SPSB4: variants seen among roughly 807,000 people sequenced by gnomAD.
SPSB4 encodes the protein SPRY domain-containing SOCS box protein 4.
A neutral mutation model predicts 20.9 loss-of-function variants in SPSB4; 21 were observed. The observed-to-expected ratio is 1.01, with a 90% CI of 0.71 to 1.45. The LOEUF (loss-of-function observed/expected upper bound fraction) is 1.45. SPSB4 is among the 40% of genes most tolerant of loss of function. SPSB4 has a pLI of 0.00. For synonymous variants in SPSB4, 207 were observed against 183.8 expected, an observed-to-expected ratio of 1.13 and a Z score of -1.02; for missense variants, 399 against 399.2, an observed-to-expected ratio of 1.00 and a Z score of 0.00.
intron 1 of SPSB4, among the ~76,000 whole-genome samples, chr3:141,058,733 C>T (rs7645127): frequency 0.024 from 3,663 of 152,082 alleles, 138 homozygotes; most frequent in African/African-American, 0.083. Context: ...ATTTTTTGAA[C>T]GAATAAATGA....
intron 2 of SPSB4, among the ~76,000 whole-genome samples, chr3:141,114,336 C>T (rs967617536): frequency 4.6e-5 from 7 of 152,310 alleles, no homozygotes; most frequent in Admixed American, 2.0e-4. Flanking sequence ...TCATTTCCAG[C>T]TCCCCTGCAG....
At chr3:141,063,888 C>T (rs189428623) in intron 1 of SPSB4, among the ~76,000 whole-genome samples, 3 of 152,362 alleles carry the variant, frequency 2.0e-5, no homozygotes, top group Non-Finnish European at 4.4e-5. Context: ...TTCCTTTAGT[C>T]TTTGCTTCTA....
At chr3:141,133,712 G>T (rs915989552) in intron 2 of SPSB4, among the ~76,000 whole-genome samples, 2 of 152,094 alleles carry the variant, frequency 1.3e-5, no homozygotes, top group Non-Finnish European at 2.9e-5. Context: ...ATAAAGTTGG[G>T]TAATATGATG....
At chr3:141,074,464 G>T (rs761731341) in intron 2 of SPSB4, among the ~76,000 whole-genome samples, 1 of 152,126 alleles carries the variant, frequency 6.6e-6, no homozygotes, top group African/African-American at 2.4e-5. Context: ...GAAACTGAAG[G>T]ATTTCACACG....
chr3:141,069,671 C>T (rs921464180), intron 2 of SPSB4, among the ~76,000 whole-genome samples: 3 of 152,118 alleles, frequency 2.0e-5, no homozygotes, highest in African/African-American at 2.4e-5. Flanking sequence ...TGGCTGTTGG[C>T]GATTGCCTCC....
intron 2 of SPSB4, among the ~76,000 whole-genome samples, chr3:141,072,352 A>C (rs7630981): frequency 1 from 152,259 of 152,334 alleles, 76,092 homozygotes; most frequent in Middle Eastern, 1. Context: ...TTTGTTTCCT[A>C]CAAATCTCGT....
At chr3:141,082,618 G>T (rs1938255828) in intron 2 of SPSB4, among the ~76,000 whole-genome samples, 1 of 146,296 alleles carries the variant, frequency 6.8e-6, no homozygotes, top group East Asian at 2.3e-4. Context: ...CAACCCAGGT[G>T]CTATCTATCT....
intron 2 of SPSB4, among the ~76,000 whole-genome samples, chr3:141,126,927 C>T (rs997262527): frequency 2.6e-5 from 4 of 152,356 alleles, no homozygotes; most frequent in East Asian, 3.9e-4. Context: ...CCAATACAGC[C>T]CCCCATGCCC....
chr3:141,090,887 C>A (rs4683554), intron 2 of SPSB4, among the ~76,000 whole-genome samples: 71,359 of 151,944 alleles, frequency 0.47, 17,723 homozygotes, highest in African/African-American at 0.64. Context: ...GGTGGCTTGG[C>A]TCGGGATGGC....
rs771003195 is a variant in SPSB4 at position 141,066,500 on chromosome 3, G to T, written c.396G>T (p.Leu132=). The change falls in exon 2 of 3, where the codon CTG becomes CTT. Residue 132 remains leucine (L), a synonymous_variant. Coordinates refer to ENST00000310546, the MANE Select transcript of SPSB4 (RefSeq NM_080862.3). Reference sequence around the variant, plus strand: ...TGCACTCCGTGGGCTACACGGCGCTGGTAGGCAGTGACGCCGAGTCGTGGG... The same window carrying T: ...TGCACTCCGTGGGCTACACGGCGCTTGTAGGCAGTGACGCCGAGTCGTGGG... ...APLHSVGYTA[L]VGSDAESWGW... The T allele has an allele frequency of 1.9e-5, 28 of 1,503,200 alleles. No homozygotes were observed. Among genetic ancestry groups the T allele is most frequent in the Non-Finnish European group, 2.5e-5 (28 of 1,125,322 alleles). 93.1% of individuals were successfully genotyped at this position (1,503,200 alleles called of 1,614,324 possible). A position where few individuals can be genotyped will look rare whatever the true frequency, so the allele number is the denominator to read the frequency against.
chr3:141,054,587 A>C (rs2107773314), intron 1 of SPSB4, among the ~76,000 whole-genome samples: 1 of 152,312 alleles, frequency 6.6e-6, no homozygotes, highest in Non-Finnish European at 1.5e-5. Flanking sequence ...GTTATCATGA[A>C]CTTTGTGTGG....
At chr3:141,147,064 C>A in intron 2 of SPSB4, 78 bp from the exon 3 acceptor site, 1 of 1,579,732 alleles carries the variant, frequency 6.3e-7, no homozygotes, top group Non-Finnish European at 8.6e-7. Flanking sequence ...AGGCAGGAGG[C>A]GGTATGCAGT....
At chr3:141,111,016 ACTTCTGGCT>A (rs1290638784) in intron 2 of SPSB4, among the ~76,000 whole-genome samples, 2 of 152,194 alleles carry the variant, frequency 1.3e-5, no homozygotes, top group African/African-American at 2.4e-5. Context: ...CTAACGTCAT[ACTTCTGGCT>A]TGAACTCTAT....
At chr3:141,138,836 A>G (rs937971079) in intron 2 of SPSB4, among the ~76,000 whole-genome samples, 18 of 152,310 alleles carry the variant, frequency 1.2e-4, no homozygotes, top group Admixed American at 8.5e-4. Context: ...AGAGTTCTGT[A>G]GATGTCTATT....
At position 141,071,058 on chromosome 3, in the gene SPSB4, A is replaced by G. The variant is rs553988972; in HGVS notation, c.694+4260A>G. 2.0e-5 allele frequency among the ~76,000 whole-genome samples: 3 copies of G among 152,146 alleles called. No homozygotes were observed. In the South Asian group the frequency reaches 6.2e-4, roughly 32 times the overall value. ...CTCAAAGCTCTTGGCTCAGCATGGA[A>G]CTCTGCAGGGTGTTCTGAAATGCTA... On this transcript the variant is annotated intron_variant, in intron 2 of 2. Coordinates refer to ENST00000310546, the MANE Select transcript of SPSB4 (RefSeq NM_080862.3).
At chr3:141,081,939 G>A (rs1012812521) in intron 2 of SPSB4, among the ~76,000 whole-genome samples, 2 of 152,134 alleles carry the variant, frequency 1.3e-5, no homozygotes, top group African/African-American at 4.8e-5. Flanking sequence ...GTTCTGGGGT[G>A]TCCATCCTGT....
Position 141,054,939 on chromosome 3 carries a change from T to G in SPSB4, c.-154+2947T>G, listed in dbSNP as rs112480961. Among the ~76,000 whole-genome samples, 119 of 148,068 alleles carry G rather than the reference T, an allele frequency of 8.0e-4. 1 individual carries two copies. The highest frequency in any genetic ancestry group is 3.5e-3 in the Middle Eastern group (1 of 284). ...GAGATGGCACCACTGCACTCCAGCC[T>G]GGGCAACAGAGCGAGACTCCGTCTC... On this transcript the variant is annotated intron_variant, in intron 1 of 2. Coordinates refer to ENST00000310546, the MANE Select transcript of SPSB4 (RefSeq NM_080862.3).
intron 2 of SPSB4, among the ~76,000 whole-genome samples, chr3:141,078,731 G>A (rs1480153944): frequency 1.3e-5 from 2 of 152,184 alleles, no homozygotes; most frequent in South Asian, 2.1e-4. Flanking sequence ...TGGGTTAAGC[G>A]CCAAGCACTC....
At chr3:141,058,358 C>T (rs1937697675) in intron 1 of SPSB4, among the ~76,000 whole-genome samples, 2 of 152,202 alleles carry the variant, frequency 1.3e-5, no homozygotes, top group South Asian at 4.1e-4. Context: ...TCTTGCTCAG[C>T]CATGATTGAA....
Sources: allele counts gnomAD v4.1 joint callset (sites outside exome capture counted in the v4.1 genomes callset), GRCh38; gene constraint gnomAD v4.1.1; transcripts MANE v1.5; gene names NCBI Gene and HGNC (gene_info 2026-07-23, HGNC 2026-07-21).